The following CRACR2A variants were observed in gnomAD, a reference collection of about 807,000 sequenced individuals.
CRACR2A encodes the protein calcium release activated channel regulator 2A.
Under a neutral mutation model 90.5 loss-of-function variants are expected in CRACR2A, and 79 were observed. That is an observed-to-expected ratio of 0.87 (90% confidence interval 0.73 to 1.05). The LOEUF (loss-of-function observed/expected upper bound fraction) is 1.05, where lower values mean the gene tolerates loss of function less well. CRACR2A is among the 50% of genes least tolerant of loss of function. The pLI, the probability that CRACR2A is intolerant of heterozygous loss-of-function variation, is 0.00. For synonymous variants in CRACR2A, 338 were observed against 356.7 expected (o/e 0.95, Z 0.59); for missense variants, 823 against 897.2 (o/e 0.92, Z 1.06).
intron 1 of CRACR2A, among the ~76,000 whole-genome samples, chr12:3,745,314 A>G (rs1252733768): frequency 6.6e-6 from 1 of 152,098 alleles, no homozygotes; most frequent in Non-Finnish European, 1.5e-5. Flanking sequence ...GCAATTTCTG[A>G]CCGTGATTCA....
At chr12:3,656,183 G>A (rs1182718788) in intron 9 of CRACR2A, 128 bp downstream of exon 9, 8 of 806,696 alleles carry the variant, frequency 9.9e-6, no homozygotes, top group East Asian at 2.5e-5. Flanking sequence ...TCTTTTGCGC[G>A]ACTAAATAGT....
intron 4 of CRACR2A, among the ~76,000 whole-genome samples, chr12:3,682,155 T>C (rs1945467259): frequency 6.6e-6 from 1 of 152,248 alleles, no homozygotes; most frequent in Admixed American, 6.5e-5. Flanking sequence ...CGCAAGCTCC[T>C]GTCACGCTCA....
At chr12:3,667,197 T>C (rs1195979168) in intron 7 of CRACR2A, among the ~76,000 whole-genome samples, 1 of 152,038 alleles carries the variant, frequency 6.6e-6, no homozygotes, top group Non-Finnish European at 1.5e-5. Context: ...AAAATGAGGG[T>C]CAAAACAGTG....
At chr12:3,666,786 C>T (rs1945159356) in intron 7 of CRACR2A, among the ~76,000 whole-genome samples, 1 of 152,252 alleles carries the variant, frequency 6.6e-6, no homozygotes. Context: ...TTTGTCCTCC[C>T]TTTTAAATAA....
chr12:3,731,815 T>C (rs1946364529), intron 2 of CRACR2A: 1 of 152,080 alleles, frequency 6.6e-6, no homozygotes, highest in African/African-American at 2.4e-5. Flanking sequence ...GAGAATGCCA[T>C]GTGATGATAA....
chr12:3,670,836 C>T (rs1435788206), intron 7 of CRACR2A, among the ~76,000 whole-genome samples: 1 of 152,106 alleles, frequency 6.6e-6, no homozygotes, highest in Non-Finnish European at 1.5e-5. Flanking sequence ...CAGAGAATAC[C>T]TCTGGAATGG....
intron 13 of CRACR2A, among the ~76,000 whole-genome samples, chr12:3,639,224 T>C (rs1285130961): frequency 1.3e-5 from 2 of 152,084 alleles, no homozygotes; most frequent in African/African-American, 4.8e-5. Flanking sequence ...TCTCTTCCCC[T>C]TTCTGTATCC....
At chr12:3,751,090 C>A (rs1946695324) in intron 1 of CRACR2A, among the ~76,000 whole-genome samples, 2 of 152,190 alleles carry the variant, frequency 1.3e-5, no homozygotes, top group African/African-American at 4.8e-5. Flanking sequence ...AATCCCCATC[C>A]CACCACTTAT....
chr12:3,623,922 C>A (rs930845415), intron 17 of CRACR2A, among the ~76,000 whole-genome samples: 36 of 152,220 alleles, frequency 2.4e-4, no homozygotes, highest in African/African-American at 8.2e-4. Context: ...CACACACATT[C>A]CTGCTCCGTC....
chr12:3,659,700 C>G (rs1201479057), intron 7 of CRACR2A, 46 bp from the exon 8 acceptor site: 1 of 1,494,358 alleles, frequency 6.7e-7, no homozygotes, highest in East Asian at 2.3e-5. Context: ...TCCCCTACTC[C>G]ACAGCGGTAG....
At chr12:3,749,419 C>A (rs1394659235) in intron 1 of CRACR2A, among the ~76,000 whole-genome samples, 1 of 152,192 alleles carries the variant, frequency 6.6e-6, no homozygotes, top group Non-Finnish European at 1.5e-5. Flanking sequence ...GAGCCAGGTT[C>A]CCAAAATATA....
rs371611284 is a variant in CRACR2A, at chr12:3,673,571, G to A, written c.546C>T (p.Leu182=). The A allele has an allele frequency of 3.1e-6, 5 of 1,613,570 alleles. No homozygotes were observed. The African/African-American group carries it at 5.3e-5, about 17-fold the overall frequency. ...VLEDESDVKQ[L]WLQLKKEEPH... ...GTTCCTCCTTCTTCAGCTGCAACCA[G>A]AGCTGCTTGACATCACTTTCACTGC... The change falls in exon 7 of 20, where the codon CTC becomes CTT. Residue 182 remains leucine (L), a synonymous_variant. Coordinates refer to ENST00000440314, the MANE Select transcript of CRACR2A (RefSeq NM_001144958.2).
intron 7 of CRACR2A, among the ~76,000 whole-genome samples, chr12:3,662,894 T>G (rs1252030844): frequency 6.6e-6 from 1 of 152,260 alleles, no homozygotes; most frequent in Non-Finnish European, 1.5e-5. Context: ...TCATCATGTT[T>G]GCTTATCATA....
intron 3 of CRACR2A, 96 bp downstream of exon 3, chr12:3,713,141 T>C (rs796451050): frequency 7.3e-5 from 33 of 454,538 alleles, no homozygotes; most frequent in African/African-American, 6.8e-4. Flanking sequence ...AAAAAACAGC[T>C]ACAATAGTGC....
At chr12:3,713,514 A>G (rs879786046) in intron 2 of CRACR2A, among the ~76,000 whole-genome samples, 197 bp from the exon 3 acceptor site, 1 of 152,200 alleles carries the variant, frequency 6.6e-6, no homozygotes, top group Non-Finnish European at 1.5e-5. Flanking sequence ...AATAGCGATG[A>G]TAAGTCTGCT....
chr12:3,653,508 ACT>A (rs1295883221), intron 10 of CRACR2A, among the ~76,000 whole-genome samples: 1 of 151,950 alleles, frequency 6.6e-6, no homozygotes, highest in Non-Finnish European at 1.5e-5. Context: ...TAAATGACTG[ACT>A]CTTCAGGGAC....
intron 4 of CRACR2A, among the ~76,000 whole-genome samples, chr12:3,691,993 T>C (rs1333941455): frequency 6.6e-6 from 1 of 152,240 alleles, no homozygotes. Context: ...TTTTCAGATC[T>C]ATCTGGTCAG....
At chr12:3,679,158 C>A in intron 5 of CRACR2A, 60 bp from the exon 6 acceptor site, 1 of 1,443,938 alleles carries the variant, frequency 6.9e-7, no homozygotes, top group Non-Finnish European at 9.3e-7. Context: ...AAGAGCTCAG[C>A]TTTCTCACCT....
intron 4 of CRACR2A, among the ~76,000 whole-genome samples, chr12:3,692,002 A>G (rs779953846): frequency 5.3e-5 from 8 of 152,186 alleles, no homozygotes; most frequent in African/African-American, 1.7e-4. Flanking sequence ...CTATCTGGTC[A>G]GTTACATTGT....
Sources: allele counts gnomAD v4.1 joint callset (sites outside exome capture counted in the v4.1 genomes callset), GRCh38; gene constraint gnomAD v4.1.1; transcripts MANE v1.5; gene names NCBI Gene and HGNC (gene_info 2026-07-23, HGNC 2026-07-21).